The following TMEM26 variants were observed in gnomAD, a reference collection of about 807,000 sequenced individuals.
The protein encoded by TMEM26 is transmembrane protein 26.
A neutral mutation model predicts 28.8 loss-of-function variants in TMEM26; 38 were observed. The observed-to-expected ratio is 1.32, with a 90% CI of 1.02 to 1.73. The LOEUF (loss-of-function observed/expected upper bound fraction) is 1.73, where lower values mean the gene tolerates loss of function less well. TMEM26 is among the 40% of genes most tolerant of loss of function. TMEM26 has a pLI of 0.00. For missense variants in TMEM26, 518 were observed against 447.1 expected (o/e 1.16, Z -1.43); for synonymous variants, 227 against 182.9 (o/e 1.24, Z -1.95).
chr10:61,417,174 G>A (rs1589026836), intron 4 of TMEM26, among the ~76,000 whole-genome samples: 1 of 152,032 alleles, frequency 6.6e-6, no homozygotes, highest in African/African-American at 2.4e-5. Flanking sequence ...ACTGTCCCAT[G>A]TGTGTAATCT....
chr10:61,427,245 G>T (rs1042357290), intron 4 of TMEM26, among the ~76,000 whole-genome samples: 1 of 152,070 alleles, frequency 6.6e-6, no homozygotes, highest in Non-Finnish European at 1.5e-5. Context: ...ATTGGTAGGT[G>T]ATAGAAGAAA....
intron 1 of TMEM26, among the ~76,000 whole-genome samples, chr10:61,447,913 T>G (rs1840212362): frequency 6.6e-6 from 1 of 152,248 alleles, no homozygotes; most frequent in Non-Finnish European, 1.5e-5. Context: ...TTTGTTCACT[T>G]GTTTTCTGTT....
chr10:61,440,364 A>T (rs951088466), intron 1 of TMEM26, among the ~76,000 whole-genome samples: 3 of 152,154 alleles, frequency 2.0e-5, no homozygotes, highest in African/African-American at 7.2e-5. Context: ...TGTTGAGGCA[A>T]TTACTGTCAC....
rs879399133 is a variant in TMEM26, at chr10:61,409,012, G to A, written c.*1310C>T. On this transcript the variant is annotated 3_prime_UTR_variant, in exon 6 of 6. Coordinates refer to ENST00000399298, the MANE Select transcript of TMEM26 (RefSeq NM_178505.8). ...ACCTTAAATGTCCCTTTGAATTCTC[G>A]AGTATACTAATCTGGGGGAATTAGG... 3 of 152,084 alleles carry A rather than the reference G, an allele frequency of 2.0e-5. No individual in the cohort carries two copies. The highest frequency in any genetic ancestry group is 2.1e-4 in the South Asian group (1 of 4,834). 9.4% of individuals were successfully genotyped at this position (152,084 alleles called of 1,614,324 possible).
At position 61,436,216 on chromosome 10, in the gene TMEM26, C is replaced by T. The variant is rs1840005274; in HGVS notation, c.224G>A (p.Ser75Asn). Residue 75 changes from serine (S) to asparagine (N), a missense_variant, in exon 2 of 6, where the codon AGC (serine) becomes AAC (asparagine). Ser to Asn is a conservative substitution (Grantham distance 46). Transcript: ENST00000399298. ...AAGAAGCCATAATGATGGAACGATG[C>T]TAATCAGATATAAAAATATGGCTGG... ...FSPAIFLYLI[S>N]IVPSLWLLEL... The T allele has an allele frequency of 1.2e-6, 2 of 1,606,310 alleles. No homozygotes were observed. The highest frequency in any genetic ancestry group is 8.5e-7 in the Non-Finnish European group (1 of 1,176,748).
intron 1 of TMEM26, among the ~76,000 whole-genome samples, chr10:61,452,088 T>A (rs1840293123): frequency 6.6e-6 from 1 of 152,160 alleles, no homozygotes; most frequent in Non-Finnish European, 1.5e-5. Flanking sequence ...GATGGATTCC[T>A]CTGGGGGTTG....
In TMEM26 at chr10:61,429,022, G is replaced by A. The variant is rs1285193615; in HGVS notation, c.509C>T (p.Thr170Ile). The change falls in exon 4 of 6, where the codon ACT becomes ATT. Residue 170 changes from threonine to isoleucine, a missense_variant. Coordinates refer to ENST00000399298, the MANE Select transcript of TMEM26 (RefSeq NM_178505.8). Reference protein sequence around the residue: ...RWLLPIGGGITRDQLSQLLLM... With the variant: ...RWLLPIGGGIIRDQLSQLLLM... Reference sequence around the variant, plus strand: ...AAGAAGTTGAGAGAGTTGATCTCGAGTGATCCCGCCTCCAATGGGTAGAAG... The same window carrying A: ...AAGAAGTTGAGAGAGTTGATCTCGAATGATCCCGCCTCCAATGGGTAGAAG... 2 of 1,613,292 alleles carry A rather than the reference G, an allele frequency of 1.2e-6. No homozygotes were observed. The highest frequency in any genetic ancestry group is 1.7e-5 in the Admixed American group (1 of 59,916).
At chr10:61,422,529 G>A (rs192152257) in intron 4 of TMEM26, among the ~76,000 whole-genome samples, 233 of 152,212 alleles carry the variant, frequency 1.5e-3, no homozygotes, top group Non-Finnish European at 2.4e-3. Flanking sequence ...ATATTCAGAA[G>A]TTAAACAGCC....
At chr10:61,452,090 T>C (rs988309380) in intron 1 of TMEM26, among the ~76,000 whole-genome samples, 1 of 152,130 alleles carries the variant, frequency 6.6e-6, no homozygotes, top group African/African-American at 2.4e-5. Flanking sequence ...TGGATTCCTC[T>C]GGGGGTTGGG....
At chr10:61,412,874 G>A (rs899417879) in intron 5 of TMEM26, 22 of 1,203,080 alleles carry the variant, frequency 1.8e-5, no homozygotes, top group Non-Finnish European at 2.3e-5. Context: ...CTGGGAAACA[G>A]ATTACTTCTT....
At chr10:61,432,065 T>C (rs1220368728) in intron 2 of TMEM26, among the ~76,000 whole-genome samples, 1 of 152,102 alleles carries the variant, frequency 6.6e-6, no homozygotes. Context: ...ATGATTTTGC[T>C]ATTTTTATGG....
intron 3 of TMEM26, among the ~76,000 whole-genome samples, chr10:61,430,571 CAA>C (rs34623859): frequency 3.1e-4 from 30 of 96,408 alleles, no homozygotes; most frequent in African/African-American, 7.6e-4. Flanking sequence ...AAAGAACTGA[CAA>C]AAAAAAAAAA....
At chr10:61,412,954 C>T in intron 5 of TMEM26, 1 of 1,291,924 alleles carries the variant, frequency 7.7e-7, no homozygotes, top group Non-Finnish European at 1.0e-6. Context: ...CCAATGAGGA[C>T]AATTTTAACT....
At chr10:61,426,676 T>TTTTACTTTTTA (rs1345836928) in intron 4 of TMEM26, among the ~76,000 whole-genome samples, 1 of 152,102 alleles carries the variant, frequency 6.6e-6, no homozygotes, top group African/African-American at 2.4e-5. Flanking sequence ...AAGTAAAATG[T>TTTTACTTTTTA]CATAATAATA....
intron 1 of TMEM26, among the ~76,000 whole-genome samples, chr10:61,439,836 A>C (rs1840063468): frequency 6.6e-6 from 1 of 152,230 alleles, no homozygotes; most frequent in Admixed American, 6.5e-5. Flanking sequence ...TCACAGCTAC[A>C]TACTTGTTAT....
intron 1 of TMEM26, among the ~76,000 whole-genome samples, chr10:61,451,379 C>T (rs10821892): frequency 0.2 from 31,018 of 152,178 alleles, 3,418 homozygotes; most frequent in Middle Eastern, 0.3. Flanking sequence ...CCTAGAAACT[C>T]TGGCGGTTGG....
At chr10:61,450,207 T>G (rs890468844) in intron 1 of TMEM26, among the ~76,000 whole-genome samples, 2 of 152,154 alleles carry the variant, frequency 1.3e-5, no homozygotes, top group African/African-American at 4.8e-5. Context: ...ATATATAGAT[T>G]AATGCATATT....
intron 4 of TMEM26, among the ~76,000 whole-genome samples, chr10:61,425,928 C>T (rs967420145): frequency 1.3e-5 from 2 of 152,012 alleles, no homozygotes; most frequent in Non-Finnish European, 2.9e-5. Flanking sequence ...ACCAGCCATT[C>T]CACTCTTAGG....
chr10:61,440,183 T>C (rs1330946858), intron 1 of TMEM26, among the ~76,000 whole-genome samples: 1 of 152,020 alleles, frequency 6.6e-6, no homozygotes, highest in Non-Finnish European at 1.5e-5. Flanking sequence ...GAGGTTGCAG[T>C]GAGCTAAGAT....
Sources: gnomAD v4.1 joint callset for allele counts (sites outside exome capture counted in the v4.1 genomes callset) on GRCh38, gnomAD v4.1.1 for gene constraint, MANE v1.5 for transcripts, NCBI Gene and HGNC (gene_info 2026-07-23, HGNC 2026-07-21) for gene names.